Variants in CREB5 observed in about 807,000 individuals in gnomAD.
CREB5 encodes cAMP responsive element binding protein 5.
Under a neutral mutation model 57.1 loss-of-function variants are expected in CREB5, and 19 were observed. The ratio of observed to expected loss-of-function variants is 0.33; its 90% CI spans 0.23 to 0.49. CREB5 has a LOEUF of 0.49. CREB5 is among the 20% of genes least tolerant of loss of function. The pLI is 0.99. For missense variants in CREB5, 579 were observed against 671.6 expected (o/e 0.86, Z 1.52); for synonymous variants, 238 against 238.3 (o/e 1.00, Z 0.01).
intron 4 of CREB5, among the ~76,000 whole-genome samples, chr7:28,538,490 T>C (rs925784932): frequency 1.3e-5 from 2 of 152,208 alleles, no homozygotes; most frequent in Admixed American, 6.5e-5. Context: ...CTCTTCTCTT[T>C]TTTTCTTTCA....
intron 4 of CREB5, among the ~76,000 whole-genome samples, chr7:28,524,740 T>C (rs2128618238): frequency 6.6e-6 from 1 of 152,362 alleles, no homozygotes; most frequent in East Asian, 1.9e-4. Flanking sequence ...ACTTATGTGA[T>C]AGATGTGTTA....
intron 5 of CREB5, among the ~76,000 whole-genome samples, chr7:28,673,766 T>C (rs1010957494): frequency 2.1e-5 from 3 of 145,430 alleles, no homozygotes; most frequent in Non-Finnish European, 4.5e-5. Context: ...TCCACCTACT[T>C]AGGCTCAAGT....
chr7:28,651,498 T>C (rs1205752994), intron 5 of CREB5, among the ~76,000 whole-genome samples: 2 of 152,114 alleles, frequency 1.3e-5, no homozygotes, highest in African/African-American at 4.8e-5. Flanking sequence ...TCTCAGCACT[T>C]TGAGAGGCCA....
At chr7:28,407,661 C>A (rs565189726), upstream of CREB5, among the ~76,000 whole-genome samples, 1 of 152,312 alleles carries the variant, frequency 6.6e-6, no homozygotes, top group South Asian at 2.1e-4. Context: ...AAGTAGAAAA[C>A]TCAGTGATGA....
intron 1 of CREB5, chr7:28,299,559 C>G (rs1452023981): frequency 6.6e-6 from 1 of 152,216 alleles, no homozygotes; most frequent in African/African-American, 2.4e-5. Context: ...TGGCTACTAG[C>G]TACCATATTG....
chr7:28,386,050 G>T (rs929926156), intron 1 of CREB5, among the ~76,000 whole-genome samples: 11 of 152,110 alleles, frequency 7.2e-5, no homozygotes, highest in African/African-American at 2.7e-4. Context: ...CTAATTTGGG[G>T]CAACCTTTTT....
At chr7:28,327,254 T>C (rs557395605) in intron 1 of CREB5, among the ~76,000 whole-genome samples, 2 of 152,268 alleles carry the variant, frequency 1.3e-5, no homozygotes, top group South Asian at 2.1e-4. Flanking sequence ...TATTTATCTC[T>C]GGTATGTTAT....
At chr7:28,384,893 T>C (rs1435665580) in intron 1 of CREB5, among the ~76,000 whole-genome samples, 4 of 152,208 alleles carry the variant, frequency 2.6e-5, no homozygotes, top group Non-Finnish European at 5.9e-5. Flanking sequence ...ACTAAAATAA[T>C]TTTATGTGAA....
At chr7:28,735,113 T>TGTTTG (rs199540845) in intron 7 of CREB5, among the ~76,000 whole-genome samples, 178 of 152,102 alleles carry the variant, frequency 1.2e-3, no homozygotes, top group African/African-American at 4.0e-3. Context: ...TTTTGGTTTT[T>TGTTTG]TTTGTTTTTT....
chr7:28,596,188 C>A (rs1468652919), intron 5 of CREB5, among the ~76,000 whole-genome samples: 1 of 152,164 alleles, frequency 6.6e-6, no homozygotes, highest in Non-Finnish European at 1.5e-5. Context: ...GATAAGTGAG[C>A]AGTCCCCTAA....
upstream of CREB5, among the ~76,000 whole-genome samples, chr7:28,411,690 A>G (rs893629403): frequency 2.0e-5 from 3 of 152,204 alleles, no homozygotes; most frequent in African/African-American, 7.2e-5. Flanking sequence ...AACTAAATAA[A>G]GAAAAGTTTA....
chr7:28,380,325 T>C (rs1481743755), intron 1 of CREB5, among the ~76,000 whole-genome samples: 2 of 152,178 alleles, frequency 1.3e-5, no homozygotes, highest in East Asian at 3.8e-4. Context: ...ACTACTATGC[T>C]ATCCTTCGTG....
chr7:28,670,438 AT>A (rs1388137141), intron 5 of CREB5, among the ~76,000 whole-genome samples: 1 of 152,234 alleles, frequency 6.6e-6, no homozygotes, highest in African/African-American at 2.4e-5. Flanking sequence ...TTAGTCGGTG[AT>A]TTTAAATGTA....
chr7:28,732,099 A>G (rs1217056875), intron 7 of CREB5, among the ~76,000 whole-genome samples: 1 of 152,124 alleles, frequency 6.6e-6, no homozygotes, highest in Non-Finnish European at 1.5e-5. Context: ...ACACAAGCAC[A>G]GAGGGGTTTT....
intron 4 of CREB5, among the ~76,000 whole-genome samples, chr7:28,561,017 CGTGTGTGCGTGTGTGTGTGT>C (rs1562798600): frequency 1.3e-4 from 4 of 30,452 alleles, no homozygotes; most frequent in Admixed American, 2.7e-4. Context: ...TGTGTGTGTG[CGTGTGTGCGTGTGTGTGTGT>C]GTGTGTGAAG....
intron 5 of CREB5, among the ~76,000 whole-genome samples, chr7:28,622,660 C>T (rs1010955121): frequency 6.6e-6 from 1 of 152,050 alleles, no homozygotes; most frequent in African/African-American, 2.4e-5. Context: ...AACTGAGGCT[C>T]AGAGATGTTC....
rs186949358 is a variant in CREB5, at chr7:28,637,043, A to G, written c.464+66506A>G. Among the ~76,000 whole-genome samples, 190 of 152,228 alleles carry G rather than the reference A, an allele frequency of 1.2e-3. 1 individual carries two copies. In the Middle Eastern group the frequency reaches 0.02, roughly 16 times the overall value. On this transcript the variant is annotated intron_variant, in intron 5 of 10. Transcript: ENST00000357727. The stretch of plus-strand genomic sequence containing the variant: ...GTAGTGTGTGCCTGTGGTCCCAGCT[A>G]CTTGGGAGGCTGAGGTGGTAGGATC...
chr7:28,618,653 C>G (rs575885771), intron 5 of CREB5, among the ~76,000 whole-genome samples: 1 of 152,178 alleles, frequency 6.6e-6, no homozygotes, highest in African/African-American at 2.4e-5. Context: ...GGACTTGCCT[C>G]CCGTCTCAGC....
At chr7:28,609,227 C>G (rs1797294312) in intron 5 of CREB5, 1 of 152,114 alleles carries the variant, frequency 6.6e-6, no homozygotes, top group African/African-American at 2.4e-5. Context: ...ACGTGTGCTT[C>G]TCTGACATGC....
Sources: allele counts gnomAD v4.1 joint callset (sites outside exome capture counted in the v4.1 genomes callset), GRCh38; gene constraint gnomAD v4.1.1; transcripts MANE v1.5; gene names NCBI Gene and HGNC (gene_info 2026-07-23, HGNC 2026-07-21).